DCDC2B: variants seen among roughly 807,000 people sequenced by gnomAD.
DCDC2B encodes doublecortin domain containing 2B.
In DCDC2B, 41 loss-of-function variants were observed where a neutral mutation model predicts 38.9. The observed-to-expected ratio is 1.05, with a 90% confidence interval of 0.82 to 1.37. The LOEUF (loss-of-function observed/expected upper bound fraction) is 1.37. Ranked by LOEUF, DCDC2B falls within the 40% of genes most tolerant of loss-of-function variation. The pLI is 0.00. For synonymous variants in DCDC2B, 181 were observed against 171.9 expected (o/e 1.05, Z -0.41); for missense variants, 453 against 427.2 (o/e 1.06, Z -0.53).
chr1:32,209,224 C>T lies in DCDC2B; in HGVS notation c.131C>T (p.Thr44Ile). 1 of 1,614,034 alleles carries T rather than the reference C, an allele frequency of 6.2e-7. No individual in the cohort carries two copies. The highest frequency in any genetic ancestry group is 8.5e-7 in the Non-Finnish European group (1 of 1,179,886). ...ATGGAGGCCTTCCTCTGCGAGGTGA[C>T]ATCAGCTGTGCAGGCCCCACTGGCT... is the stretch of plus-strand genomic sequence containing the variant. ...PTMEAFLCEV[T>I]SAVQAPLAVR... is the part of the protein sequence containing the mutation. The change falls in exon 1 of 9, where the codon ACA (threonine) becomes ATA (isoleucine). Residue 44 changes from threonine to isoleucine, a missense_variant. Transcript: ENST00000409358.
In DCDC2B at chr1:32,211,610, C is replaced by T. The variant is rs1643587502; in HGVS notation, c.319-151C>T. 9 of 746,530 alleles carry T rather than the reference C, an allele frequency of 1.2e-5. No individual in the cohort carries two copies. The South Asian group carries it at 1.4e-4, about 11-fold the overall frequency. 46.2% of individuals were successfully genotyped at this position (746,530 alleles called of 1,614,324 possible). A position where few individuals can be genotyped will look rare whatever the true frequency, so the allele number is the denominator to read the frequency against. On this transcript the variant is annotated intron_variant, in intron 2 of 8. Transcript: ENST00000409358. Reference sequence around the variant, plus strand: ...ATGTGACTTAGGGAACATCTAAGCACCGTTTGGTGAAAGGTGTAAACTGTC... The same window carrying T: ...ATGTGACTTAGGGAACATCTAAGCATCGTTTGGTGAAAGGTGTAAACTGTC...
chr1:32,215,001 G>A, intron 7 of DCDC2B, 69 bp downstream of exon 7: 14 of 1,582,358 alleles, frequency 8.8e-6, no homozygotes, highest in Middle Eastern at 1.7e-4. Flanking sequence ...GGTCCCTGCT[G>A]TTGTTGGGGA....
At chr1:32,211,584 A>C (rs1326083776) in intron 2 of DCDC2B, among the ~76,000 whole-genome samples, 177 bp from the exon 3 acceptor site, 2 of 152,184 alleles carry the variant, frequency 1.3e-5, no homozygotes, top group Non-Finnish European at 2.9e-5. Context: ...GGGTGGTTAG[A>C]ATGTGACTTA....
At position 32,209,404 on chromosome 1, in the gene DCDC2B, C is replaced by T. The variant is rs201054559; in HGVS notation, c.266+45C>T. ...TCAAACAGCCTAGCAAGGGAGGTAA[C>T]GGCAAGAGCGTGTATTCAGTACCTA... On this transcript the variant is annotated intron_variant, in intron 1 of 8. Coordinates refer to ENST00000409358, the MANE Select transcript of DCDC2B (RefSeq NM_001099434.2). 2,032 of 1,601,464 alleles carry T rather than the reference C, an allele frequency of 1.3e-3. 7 individuals are homozygous for T. The highest frequency in any genetic ancestry group is 1.2e-3 in the Non-Finnish European group (1,466 of 1,173,182).
rs1190280002 is a variant in DCDC2B at position 32,212,749 on chromosome 1, T to C, written c.675-5T>C. 1 of 1,613,870 alleles carries C rather than the reference T, an allele frequency of 6.2e-7. No homozygotes were observed. The highest frequency in any genetic ancestry group is 8.5e-7 in the Non-Finnish European group (1 of 1,179,840). On this transcript the variant is annotated splice_region_variant and splice_polypyrimidine_tract_variant and intron_variant, in intron 5 of 8. Coordinates refer to ENST00000409358, the MANE Select transcript of DCDC2B (RefSeq NM_001099434.2). ...CACTACAAGCCTTTCCTTTTGTCAT[T>C]GTAGGCAACCTCCAGGCTCGAAGTC...
intron 7 of DCDC2B, 97 bp from the exon 8 acceptor site, chr1:32,215,343 G>C: frequency 9.5e-7 from 1 of 1,055,782 alleles, no homozygotes; most frequent in East Asian, 2.6e-5. Flanking sequence ...GCAGAACCAG[G>C]TTCAGGGGAG....
Position 32,214,931 on chromosome 1 carries a change from AG to A in DCDC2B, c.850+1del. ...AGCTCCCCACACTCTCATTCCCATC[AG>A]GTGAGGGGTCCCTGGGGCTCAGGCC... Reference protein sequence around the residue: ...SKLPTLSFPSGVIGVYGAPHR... With the variant: ...SKLPTLSFPSXVIGVYGAPHR... On this transcript the variant is annotated frameshift_variant and splice_region_variant, in exon 7 of 9. Coordinates refer to ENST00000409358, the MANE Select transcript of DCDC2B (RefSeq NM_001099434.2). LOFTEE classifies it high-confidence loss of function. 2 of 1,613,824 alleles carry A rather than the reference AG, an allele frequency of 1.2e-6. No individual in the cohort carries two copies. The highest frequency in any genetic ancestry group is 1.7e-6 in the Non-Finnish European group (2 of 1,179,852).
intron 2 of DCDC2B, 127 bp downstream of exon 2, chr1:32,211,450 C>T: frequency 1.1e-6 from 1 of 924,814 alleles, no homozygotes; most frequent in Non-Finnish European, 1.6e-6. Flanking sequence ...ACTTTGGAGC[C>T]AGCTACTATC....
In DCDC2B at chr1:32,214,869, T is replaced by A; in HGVS notation, c.787T>A (p.Tyr263Asn). The A allele has an allele frequency of 6.2e-7, 1 of 1,613,976 alleles. No individual in the cohort carries two copies. Among genetic ancestry groups the A allele is most frequent in the Non-Finnish European group, 8.5e-7 (1 of 1,179,874 alleles). Residue 263 changes from tyrosine to asparagine, a missense_variant, in exon 7 of 9, where the codon TAT (tyrosine) becomes AAT (asparagine). Physicochemically the swap from Tyr to Asn is moderately radical, Grantham distance 143 (BLOSUM62 -2). Coordinates refer to ENST00000409358, the MANE Select transcript of DCDC2B (RefSeq NM_001099434.2). The stretch of plus-strand genomic sequence containing the variant: ...AGACCGAATTAAGCCATCTGCTTTC[T>A]ATGCCAGACCCCAGCAGACCATTCA... ...EPDRIKPSAF[Y>N]ARPQQTIQPR...
At chr1:32,215,240 G>A (rs558302222) in intron 7 of DCDC2B, 200 bp from the exon 8 acceptor site, 6 of 587,974 alleles carry the variant, frequency 1.0e-5, no homozygotes, top group Admixed American at 6.7e-5. Flanking sequence ...TGCTTAAAGC[G>A]ATAAGACTTC....
intron 6 of DCDC2B, 32 bp from the exon 7 acceptor site, chr1:32,214,765 A>G: frequency 6.2e-7 from 1 of 1,612,788 alleles, no homozygotes; most frequent in African/African-American, 1.3e-5. Context: ...ATGGCCAGCA[A>G]TCAGGGTCCA....
Position 32,211,320 on chromosome 1 carries a change from A to G in DCDC2B, c.315A>G (p.Leu105=). The G allele has an allele frequency of 6.2e-7, 1 of 1,613,862 alleles. No individual in the cohort carries two copies. The highest frequency in any genetic ancestry group is 1.1e-5 in the South Asian group (1 of 91,068). Residue 105 remains leucine, a synonymous_variant, in exon 2 of 9, where the codon CTA becomes CTG. Coordinates refer to ENST00000409358, the MANE Select transcript of DCDC2B (RefSeq NM_001099434.2). The part of the protein sequence containing the change: ...GKDPGGKSCR[L]QGPPVTRHLC... ...ACCCAGGTGGGAAGAGCTGCAGACT[A>G]CAAGTGAGTCCCGGGGAACCTGTGC...
At position 32,211,816 on chromosome 1, in the gene DCDC2B, C is replaced by G. The variant is rs536393129; in HGVS notation, c.374C>G (p.Ala125Gly). The change falls in exon 3 of 9, where the codon GCA becomes GGA. Residue 125 changes from alanine (A) to glycine (G), a missense_variant. Physicochemically the swap from Ala to Gly is moderately conservative, Grantham distance 60. Transcript: ENST00000409358. ...GGGGCCATTGGACGGCAGCTGCCTG[C>G]AGGTGCTCCCAGCTATATCCAGTGA... ...CDGAIGRQLP[A>G]GAPSYIHVFR... The G allele has an allele frequency of 6.2e-7, 1 of 1,609,992 alleles. No individual in the cohort carries two copies. The highest frequency in any genetic ancestry group is 1.3e-5 in the African/African-American group (1 of 74,998).
At chr1:32,210,620 A>T (rs1643546478) in intron 1 of DCDC2B, among the ~76,000 whole-genome samples, 1 of 152,210 alleles carries the variant, frequency 6.6e-6, no homozygotes, top group Non-Finnish European at 1.5e-5. Context: ...TTGGAATCTC[A>T]TACAAAATGG....
At chr1:32,213,336 ATT>A (rs923909070) in intron 6 of DCDC2B, among the ~76,000 whole-genome samples, 22 of 138,366 alleles carry the variant, frequency 1.6e-4, no homozygotes, top group South Asian at 2.3e-4. Flanking sequence ...CCTCTTAATA[ATT>A]TTTTTTTTTT....
chr1:32,214,685 C>T (rs1018982298), intron 6 of DCDC2B, 112 bp from the exon 7 acceptor site: 37 of 1,463,396 alleles, frequency 2.5e-5, no homozygotes, highest in Non-Finnish European at 3.3e-5. Context: ...CAGACGGTGT[C>T]TCCTCTGCCA....
chr1:32,215,434 C>G lies in DCDC2B; in HGVS notation c.851-6C>G. 1 of 1,609,072 alleles carries G rather than the reference C, an allele frequency of 6.2e-7. No individual in the cohort carries two copies. Among genetic ancestry groups the G allele is most frequent in the Non-Finnish European group, 8.5e-7 (1 of 1,177,944 alleles). On this transcript the variant is annotated splice_region_variant and splice_polypyrimidine_tract_variant and intron_variant, in intron 7 of 8. Coordinates refer to ENST00000409358, the MANE Select transcript of DCDC2B (RefSeq NM_001099434.2). ...GGCATCACCCAGTGCTGCCTCCCCT[C>G]TTTAGGAGTTATAGGAGTATATGGA... is the stretch of plus-strand genomic sequence containing the variant.
intron 5 of DCDC2B, 43 bp from the exon 6 acceptor site, chr1:32,212,711 T>C: frequency 6.2e-7 from 1 of 1,613,520 alleles, no homozygotes; most frequent in Non-Finnish European, 8.5e-7. Flanking sequence ...GCTTTGACTC[T>C]ATGCCCTCTG....
Position 32,215,545 on chromosome 1 carries a change from T to G in DCDC2B, c.954+2T>G. ...CAGACAGAGGAGCCCTTGGATCAGG[T>G]AAGCTGTTGGATCAGGAAACAGTAT... is the stretch of plus-strand genomic sequence containing the variant. On this transcript the variant is annotated splice_donor_variant, in intron 8 of 8. Coordinates refer to ENST00000409358, the MANE Select transcript of DCDC2B (RefSeq NM_001099434.2). LOFTEE classifies it high-confidence loss of function. 6.2e-7 allele frequency: 1 copy of G among 1,612,544 alleles called. No individual in the cohort carries two copies. The highest frequency in any genetic ancestry group is 1.1e-5 in the South Asian group (1 of 90,978).
Sources: gnomAD v4.1 joint callset for allele counts (sites outside exome capture counted in the v4.1 genomes callset) on GRCh38, gnomAD v4.1.1 for gene constraint, MANE v1.5 for transcripts, NCBI Gene and HGNC (gene_info 2026-07-23, HGNC 2026-07-21) for gene names.